The following RASSF3 variants were observed in gnomAD, a reference collection of about 807,000 sequenced individuals.
RASSF3 encodes the protein ras association domain-containing protein 3.
Under a neutral mutation model 19.9 loss-of-function variants are expected in RASSF3, and 19 were observed. The ratio of observed to expected loss-of-function variants is 0.96; its 90% CI spans 0.67 to 1.40. RASSF3 has a LOEUF of 1.40. Among genes scored for constraint, RASSF3 ranks in the 40% most tolerant of loss-of-function variants. RASSF3 has a pLI of 0.00. For missense variants in RASSF3, 306 were observed against 289.8 expected, an observed-to-expected ratio of 1.06 and a Z score of -0.41; for synonymous variants, 110 against 104.2, an observed-to-expected ratio of 1.06 and a Z score of -0.34.
chr12:64,692,060 G>C (rs1385017844), intron 4 of RASSF3, among the ~76,000 whole-genome samples: 1 of 151,784 alleles, frequency 6.6e-6, no homozygotes, highest in Non-Finnish European at 1.5e-5. Context: ...TTTCCCCCTT[G>C]CCCAGTCAAC....
upstream of RASSF3, among the ~76,000 whole-genome samples, chr12:64,532,003 T>C (rs1188907026): frequency 6.6e-6 from 1 of 152,212 alleles, no homozygotes; most frequent in African/African-American, 2.4e-5. Context: ...GCAATCTTCC[T>C]TAGAGGGTTT....
In RASSF3 at chr12:64,697,563, TA is replaced by T. The variant is rs1290314358; in HGVS notation, c.*2652del. ...TTCCATTATTAAAAATTGAAGTTAT[TA>T]GTTGTTTATGTGTGTTTATTTATGA... On this transcript the variant is annotated 3_prime_UTR_variant, in exon 5 of 5. Coordinates refer to ENST00000542104, the MANE Select transcript of RASSF3 (RefSeq NM_178169.4). The T allele has an allele frequency of 6.6e-6, 1 of 152,192 alleles. No individual in the cohort carries two copies. The highest frequency in any genetic ancestry group is 1.9e-4 in the East Asian group (1 of 5,200). The allele number at this position is 152,192 out of a possible 1,614,324, so 9.4% of individuals were successfully genotyped here. A position where few individuals can be genotyped will look rare whatever the true frequency, so the allele number is the denominator to read the frequency against.
At chr12:64,604,982 T>A (rs1236645302) in intron 2 of RASSF3, among the ~76,000 whole-genome samples, 5 of 151,238 alleles carry the variant, frequency 3.3e-5, no homozygotes, top group African/African-American at 4.8e-5. Flanking sequence ...TAATTTATTT[T>A]ATTTTATTTT....
chr12:64,671,939 G>A (rs1872714919), intron 1 of RASSF3, among the ~76,000 whole-genome samples: 1 of 152,226 alleles, frequency 6.6e-6, no homozygotes, highest in Non-Finnish European at 1.5e-5. Context: ...CTGTAGGGCG[G>A]AAGGGAGAAT....
intron 2 of RASSF3, among the ~76,000 whole-genome samples, chr12:64,600,359 C>A (rs1009192364): frequency 2.0e-5 from 3 of 152,070 alleles, no homozygotes; most frequent in South Asian, 2.1e-4. Context: ...TTTTGTCCCC[C>A]CTGTGGGCTT....
intron 1 of RASSF3, among the ~76,000 whole-genome samples, chr12:64,656,877 A>G (rs1872177443): frequency 6.6e-6 from 1 of 152,248 alleles, no homozygotes; most frequent in Non-Finnish European, 1.5e-5. Context: ...ATTACATGAA[A>G]TAAGCCAGTC....
chr12:64,685,849 C>A (rs974150750), intron 2 of RASSF3, among the ~76,000 whole-genome samples: 5 of 152,164 alleles, frequency 3.3e-5, no homozygotes, highest in Non-Finnish European at 5.9e-5. Flanking sequence ...TCTCGCCTAC[C>A]CATTGGGTGG....
At chr12:64,663,322 T>C (rs982489070) in intron 1 of RASSF3, among the ~76,000 whole-genome samples, 4 of 152,018 alleles carry the variant, frequency 2.6e-5, no homozygotes, top group African/African-American at 7.3e-5. Flanking sequence ...TTCCTTAAAA[T>C]GTACTTAGAT....
intron 2 of RASSF3, among the ~76,000 whole-genome samples, chr12:64,577,401 T>G (rs1869612657): frequency 6.6e-6 from 1 of 152,202 alleles, no homozygotes; most frequent in African/African-American, 2.4e-5. Context: ...GTGATTGGCT[T>G]TCCTTGAGAA....
intron 2 of RASSF3, among the ~76,000 whole-genome samples, chr12:64,552,932 C>T (rs1054028823): frequency 1.3e-4 from 20 of 151,974 alleles, no homozygotes; most frequent in Admixed American, 9.2e-4. Context: ...AACTTGGGGC[C>T]GGGCTCGGTG....
intron 2 of RASSF3, among the ~76,000 whole-genome samples, chr12:64,569,914 G>A (rs188818861): frequency 0.024 from 3,634 of 152,280 alleles, 67 homozygotes; most frequent in Non-Finnish European, 0.038. Context: ...GCAGTGAGCC[G>A]AGGCCGTGCC....
intron 1 of RASSF3, among the ~76,000 whole-genome samples, chr12:64,642,144 C>T (rs922398979): frequency 6.6e-6 from 1 of 152,114 alleles, no homozygotes; most frequent in Non-Finnish European, 1.5e-5. Context: ...TTAAAATGTT[C>T]TGGTTGACAG....
chr12:64,542,197 T>C (rs1483404798), downstream of RASSF3, among the ~76,000 whole-genome samples: 2 of 152,024 alleles, frequency 1.3e-5, no homozygotes, highest in South Asian at 2.1e-4. Flanking sequence ...GTGCCTGTGG[T>C]TCCAGCTACT....
At chr12:64,580,986 C>T (rs1026113058) in intron 2 of RASSF3, among the ~76,000 whole-genome samples, 110 of 122,952 alleles carry the variant, frequency 8.9e-4, no homozygotes, top group Admixed American at 1.1e-3. Flanking sequence ...ACTCATTCAA[C>T]CTGTAACATA....
Position 64,663,028 on chromosome 12 carries a change from C to T in RASSF3, c.112-21759C>T, listed in dbSNP as rs551815379. Among the ~76,000 whole-genome samples, 6 of 152,170 alleles carry T rather than the reference C, an allele frequency of 3.9e-5. No individual in the cohort carries two copies. In the South Asian group the frequency reaches 6.2e-4, roughly 16 times the overall value. ...ATGTACTGTGCCTTTTGTTATAAAA[C>T]GCAGACCTTTAAATAGAAACTAGAA... On this transcript the variant is annotated intron_variant, in intron 1 of 4. Coordinates refer to ENST00000542104, the MANE Select transcript of RASSF3 (RefSeq NM_178169.4).
At chr12:64,567,257 G>A (rs7299539) in intron 2 of RASSF3, among the ~76,000 whole-genome samples, 12,410 of 152,100 alleles carry the variant, frequency 0.082, 598 homozygotes, top group Middle Eastern at 0.12. Context: ...GCCTTTATCA[G>A]TCACAGTCAC....
chr12:64,610,681 T>G lies in RASSF3; in HGVS notation c.49T>G (p.Phe17Val), dbSNP rs942931201. 1.9e-6 allele frequency: 3 copies of G among 1,594,616 alleles called. No individual in the cohort carries two copies. The highest frequency in any genetic ancestry group is 1.4e-5 in the African/African-American group (1 of 71,998). The change falls in exon 1 of 5, where the codon TTC (phenylalanine) becomes GTC (valine). Residue 17 changes from phenylalanine to valine, a missense_variant. By Grantham distance (50) the Phe-to-Val change is conservative. Transcript: ENST00000542104. ...GGAGGAGGACGCCGAGGACTTCTTC[T>G]TCACCGCCAGGACCTCCTTCTTCAG... is the stretch of plus-strand genomic sequence containing the variant. ...SLEEDAEDFF[F>V]TARTSFFRRA...
In RASSF3 at chr12:64,585,952, A is replaced by G. The variant is rs73319604; in HGVS notation, c.294+44247A>G. Among the ~76,000 whole-genome samples the G allele has an allele frequency of 1.3e-3, 198 of 152,296 alleles. 2 individuals carry two copies. The highest frequency in any genetic ancestry group is 4.6e-3 in the African/African-American group (190 of 41,556). Reference sequence around the variant, plus strand: ...GTAGAGAGTCTCTACAAAAACATTTACATTCATAGTGTCCCTTGGTTCTCT... The same window carrying G: ...GTAGAGAGTCTCTACAAAAACATTTGCATTCATAGTGTCCCTTGGTTCTCT... On this transcript the variant is annotated intron_variant, in intron 2 of 5. Coordinates refer to the RASSF3 transcript ENST00000637125.
At chr12:64,585,029 G>A (rs1869771307) in intron 2 of RASSF3, among the ~76,000 whole-genome samples, 1 of 151,538 alleles carries the variant, frequency 6.6e-6, no homozygotes, top group African/African-American at 2.4e-5. Flanking sequence ...GGGACTACAG[G>A]CGCATGCCAC....
Sources: gnomAD v4.1 joint callset for allele counts (sites outside exome capture counted in the v4.1 genomes callset) on GRCh38, gnomAD v4.1.1 for gene constraint, MANE v1.5 for transcripts, NCBI Gene and HGNC (gene_info 2026-07-23, HGNC 2026-07-21) for gene names.